PDCD10: variants seen among roughly 807,000 people sequenced by gnomAD.
The protein encoded by PDCD10 is programmed cell death 10.
PDCD10 carries 4 observed loss-of-function variants against 29.2 expected under a neutral mutation model. The ratio of observed to expected loss-of-function variants is 0.14; its 90% CI spans 0.07 to 0.31. PDCD10 has a LOEUF of 0.31. Among genes scored for constraint, PDCD10 ranks in the 10% least tolerant of loss-of-function variants. PDCD10 has a pLI of 1.00. For missense variants in PDCD10, 183 were observed against 257.9 expected (o/e 0.71, Z 1.99); for synonymous variants, 70 against 82.2 (o/e 0.85, Z 0.80).
At chr3:167,728,772 T>C (rs1385590797) in intron 2 of PDCD10, among the ~76,000 whole-genome samples, 2 of 152,158 alleles carry the variant, frequency 1.3e-5, no homozygotes, top group African/African-American at 4.8e-5. Flanking sequence ...AGCAACAGTG[T>C]TAGTTGGAGA....
At chr3:167,710,592 A>G (rs993615958) in intron 3 of PDCD10, among the ~76,000 whole-genome samples, 2 of 152,232 alleles carry the variant, frequency 1.3e-5, no homozygotes, top group Non-Finnish European at 2.9e-5. Flanking sequence ...TGGCCCCCAG[A>G]GCACATCTCC....
chr3:167,695,734 A>C lies in PDCD10; in HGVS notation c.269-12T>G. ...TTCAATCATATACTCTGATAAAATA[A>C]ATACATAATAAAAAACATCCTGCGA... On this transcript the variant is annotated splice_polypyrimidine_tract_variant and intron_variant, in intron 5 of 8. Transcript: ENST00000392750. 6.2e-7 allele frequency: 1 copy of C among 1,612,760 alleles called. No homozygotes were observed. The highest frequency in any genetic ancestry group is 1.3e-5 in the African/African-American group (1 of 75,018).
intron 2 of PDCD10, among the ~76,000 whole-genome samples, chr3:167,729,544 C>T (rs1160466991): frequency 6.6e-6 from 1 of 152,136 alleles, no homozygotes; most frequent in Non-Finnish European, 1.5e-5. Context: ...CTTAACCTCT[C>T]TGTACTTTAG....
intron 4 of PDCD10, 108 bp from the exon 5 acceptor site, chr3:167,697,234 T>C: frequency 1.4e-6 from 1 of 694,214 alleles, no homozygotes. Context: ...CTGATAACTT[T>C]TAAGGGCAGA....
At chr3:167,699,471 A>G (rs1721153174) in intron 4 of PDCD10, among the ~76,000 whole-genome samples, 2 of 152,224 alleles carry the variant, frequency 1.3e-5, no homozygotes, top group African/African-American at 2.4e-5. Flanking sequence ...CCTCCTGGCT[A>G]AAAACCTGGT....
chr3:167,716,376 C>T (rs960938908), intron 3 of PDCD10, among the ~76,000 whole-genome samples: 1 of 151,790 alleles, frequency 6.6e-6, no homozygotes, highest in African/African-American at 2.4e-5. Flanking sequence ...ATAGTCAACA[C>T]TAAATTATAC....
At chr3:167,717,961 T>G (rs926413644) in intron 3 of PDCD10, among the ~76,000 whole-genome samples, 2 of 152,136 alleles carry the variant, frequency 1.3e-5, no homozygotes, top group Non-Finnish European at 2.9e-5. Context: ...CAATGTAAAT[T>G]TCCCTCCATT....
At chr3:167,714,897 A>C (rs1722862808) in intron 3 of PDCD10, among the ~76,000 whole-genome samples, 1 of 152,058 alleles carries the variant, frequency 6.6e-6, no homozygotes, top group Non-Finnish European at 1.5e-5. Context: ...ATCCCTAGCA[A>C]AACACCAATG....
chr3:167,726,866 T>C (rs1724247439), intron 2 of PDCD10, among the ~76,000 whole-genome samples: 2 of 152,124 alleles, frequency 1.3e-5, no homozygotes, highest in South Asian at 4.1e-4. Flanking sequence ...GTCCTGCCCC[T>C]GCATAACATA....
At chr3:167,703,412 C>A (rs1191560795) in intron 4 of PDCD10, among the ~76,000 whole-genome samples, 1 of 152,036 alleles carries the variant, frequency 6.6e-6, no homozygotes, top group Non-Finnish European at 1.5e-5. Context: ...TCTATTCTAA[C>A]ATACGTAATG....
intron 3 of PDCD10, 92 bp from the exon 4 acceptor site, chr3:167,704,987 ATTAAACAT>A: frequency 1.4e-6 from 1 of 722,600 alleles, no homozygotes; most frequent in East Asian, 2.7e-5. Context: ...ACATGAACAC[ATTAAACAT>A]TTAATCAACA....
chr3:167,726,626 C>T (rs1724211417), intron 2 of PDCD10, among the ~76,000 whole-genome samples: 1 of 152,120 alleles, frequency 6.6e-6, no homozygotes, highest in African/African-American at 2.4e-5. Context: ...ATTAAGAGTA[C>T]TAACTGCATA....
At chr3:167,728,812 C>T (rs1000095374) in intron 2 of PDCD10, among the ~76,000 whole-genome samples, 1 of 152,108 alleles carries the variant, frequency 6.6e-6, no homozygotes, top group Non-Finnish European at 1.5e-5. Context: ...ACAGCACATA[C>T]CCTTGAAGGT....
intron 2 of PDCD10, among the ~76,000 whole-genome samples, chr3:167,728,783 T>C (rs902165769): frequency 1.8e-4 from 27 of 152,138 alleles, no homozygotes; most frequent in African/African-American, 5.6e-4. Context: ...TAGTTGGAGA[T>C]ATGGTGATGA....
At chr3:167,695,077 C>T (rs148130221) in intron 6 of PDCD10, among the ~76,000 whole-genome samples, 7 of 152,280 alleles carry the variant, frequency 4.6e-5, no homozygotes, top group Admixed American at 4.6e-4. Flanking sequence ...AGAACTACTG[C>T]TCTAGGATGA....
At chr3:167,707,637 C>T (rs1464945341) in intron 3 of PDCD10, among the ~76,000 whole-genome samples, 2 of 152,130 alleles carry the variant, frequency 1.3e-5, no homozygotes, top group Non-Finnish European at 2.9e-5. Context: ...GAGATCACAC[C>T]ACTGCACTCC....
intron 6 of PDCD10, among the ~76,000 whole-genome samples, chr3:167,690,084 A>C (rs550803274): frequency 5.9e-5 from 9 of 152,222 alleles, no homozygotes; most frequent in African/African-American, 2.2e-4. Flanking sequence ...TAAATATCGC[A>C]TAACTAATGA....
intron 2 of PDCD10, among the ~76,000 whole-genome samples, chr3:167,726,624 T>G (rs940470965): frequency 3.9e-5 from 6 of 152,122 alleles, no homozygotes; most frequent in Non-Finnish European, 7.3e-5. Flanking sequence ...AGATTAAGAG[T>G]ACTAACTGCA....
chr3:167,702,356 T>C (rs1721531007), intron 4 of PDCD10, among the ~76,000 whole-genome samples: 1 of 152,154 alleles, frequency 6.6e-6, no homozygotes, highest in Non-Finnish European at 1.5e-5. Context: ...ATAATAAATA[T>C]ATTTTCTCTT....
Sources: gnomAD v4.1 joint callset for allele counts (sites outside exome capture counted in the v4.1 genomes callset) on GRCh38, gnomAD v4.1.1 for gene constraint, MANE v1.5 for transcripts, NCBI Gene and HGNC (gene_info 2026-07-23, HGNC 2026-07-21) for gene names.